VPS13C: variants seen among roughly 807,000 people sequenced by gnomAD.
VPS13C encodes intermembrane lipid transfer protein VPS13C.
In VPS13C, 358 loss-of-function variants were observed where a neutral mutation model predicts 456.8. That is an observed-to-expected ratio of 0.78 (90% CI 0.72 to 0.86). The LOEUF (loss-of-function observed/expected upper bound fraction) is 0.86, where lower values mean the gene tolerates loss of function less well. Among genes scored for constraint, VPS13C ranks in the 40% least tolerant of loss-of-function variants. VPS13C has a pLI of 0.00. For synonymous variants in VPS13C, 1,578 were observed against 1,486.7 expected (o/e 1.06, Z -1.41); for missense variants, 4,818 against 4,385.4 (o/e 1.10, Z -2.79).
chr15:61,902,278 CG>C (rs143258925), intron 66 of VPS13C, among the ~76,000 whole-genome samples: 58,481 of 148,112 alleles, frequency 0.39, 11,759 homozygotes, highest in Non-Finnish European at 0.43. Flanking sequence ...AGAAAAAAAA[CG>C]TAAAAAAAAA....
At position 61,964,776 on chromosome 15, in the gene VPS13C, T is replaced by G. The variant is rs1243360413; in HGVS notation, c.3137A>C (p.Asp1046Ala). 2 of 1,612,790 alleles carry G rather than the reference T, an allele frequency of 1.2e-6. No individual in the cohort carries two copies. The highest frequency in any genetic ancestry group is 2.2e-5 in the South Asian group (2 of 90,906). Residue 1046 changes from aspartate (D) to alanine (A), a missense_variant, in exon 31 of 85, where the codon GAT (aspartate) becomes GCT (alanine). Physicochemically the swap from Asp to Ala is moderately radical, Grantham distance 126. Around this residue, in one of 3 missense-constraint regions of VPS13C, gnomAD observed 4,552 missense variants for 4,130.6 expected, o/e 1.10. Transcript: ENST00000644861. ...CTTAGCAACACTTATGCTTTGATCA[T>G]CAGATGGAATAATGGTTGTGAGGTA... ...INYLTTIIPS[D>A]DQSISVAKEV...
In VPS13C at chr15:62,029,633, T is replaced by C. The variant is rs547373846; in HGVS notation, c.386-1213A>G. ...ACTCAACACTTTCTCTTGCTTATTA[T>C]TATGCAAATTTCTTATTTGTCCAAT... is the stretch of plus-strand genomic sequence containing the variant. On this transcript the variant is annotated intron_variant, in intron 5 of 84. Coordinates refer to ENST00000644861, the MANE Select transcript of VPS13C (RefSeq NM_020821.3). 8.5e-5 allele frequency among the ~76,000 whole-genome samples: 13 copies of C among 152,264 alleles called. No individual in the cohort carries two copies. The South Asian group carries it at 2.7e-3, about 32-fold the overall frequency.
chr15:62,027,161 AGATAT>A (rs1389520194), intron 6 of VPS13C, among the ~76,000 whole-genome samples: 2 of 152,078 alleles, frequency 1.3e-5, no homozygotes, highest in Non-Finnish European at 2.9e-5. Context: ...AGCTGAATGA[AGATAT>A]CATCAACAAA....
chr15:61,907,399 CA>C lies in VPS13C; in HGVS notation c.8979-10del. The stretch of plus-strand genomic sequence containing the variant: ...TTTCTTCTGGTGACCCACTAAAACA[CA>C]ATGAACAGAGAGAAAATCAGAATAT... On this transcript the variant is annotated splice_polypyrimidine_tract_variant and intron_variant, in intron 65 of 84. Transcript: ENST00000644861. 6.2e-7 allele frequency: 1 copy of C among 1,612,574 alleles called. No individual in the cohort carries two copies. The highest frequency in any genetic ancestry group is 8.5e-7 in the Non-Finnish European group (1 of 1,179,258).
Position 62,032,132 on chromosome 15 carries a change from A to C in VPS13C, c.385+1309T>G, listed in dbSNP as rs143568902. On this transcript the variant is annotated intron_variant, in intron 5 of 84. Coordinates refer to ENST00000644861, the MANE Select transcript of VPS13C (RefSeq NM_020821.3). ...TCAATATACCTAATGATGAATATACATATGTTAATATCCTAATCTGAATAG... is the reference window on the plus strand; with the variant it reads ...TCAATATACCTAATGATGAATATACCTATGTTAATATCCTAATCTGAATAG... 9.7e-4 allele frequency among the ~76,000 whole-genome samples: 148 copies of C among 151,974 alleles called. 1 individual carries two copies. The highest frequency in any genetic ancestry group is 3.5e-3 in the African/African-American group (145 of 41,554).
At chr15:62,015,960 CAAAAA>C (rs67786303) in intron 9 of VPS13C, among the ~76,000 whole-genome samples, 1,089 of 72,414 alleles carry the variant, frequency 0.015, 28 homozygotes, top group African/African-American at 0.05. Flanking sequence ...AAAAGAAGTC[CAAAAA>C]AAAAAAAAAA....
chr15:61,956,041 C>T lies in VPS13C; in HGVS notation c.4166-1487G>A, dbSNP rs74434137. ...ACATGCCCTCACCTATTCATCACTG[C>T]ACTATTCACAATAGCAAAGACATGG... On this transcript the variant is annotated intron_variant, in intron 37 of 84. Coordinates refer to ENST00000644861, the MANE Select transcript of VPS13C (RefSeq NM_020821.3). Among the ~76,000 whole-genome samples, 979 of 152,214 alleles carry T rather than the reference C, an allele frequency of 6.4e-3. 1 individual carries two copies. Among genetic ancestry groups the T allele is most frequent in the Non-Finnish European group, 0.01 (696 of 68,004 alleles).
At chr15:62,032,593 T>C (rs575942011) in intron 5 of VPS13C, among the ~76,000 whole-genome samples, 1 of 151,952 alleles carries the variant, frequency 6.6e-6, no homozygotes, top group South Asian at 2.1e-4. Flanking sequence ...TCTAATTGAT[T>C]CAATTAAATG....
At chr15:61,994,340 G>T (rs1327372175) in intron 16 of VPS13C, among the ~76,000 whole-genome samples, 1 of 152,172 alleles carries the variant, frequency 6.6e-6, no homozygotes, top group Non-Finnish European at 1.5e-5. Flanking sequence ...GATTGAAATT[G>T]TTATCCTCCG....
At chr15:62,007,064 A>G (rs918674059) in intron 15 of VPS13C, among the ~76,000 whole-genome samples, 6 of 152,156 alleles carry the variant, frequency 3.9e-5, no homozygotes, top group African/African-American at 1.4e-4. Flanking sequence ...TATAAAAACC[A>G]GTCACCTTTC....
chr15:61,949,338 C>A (rs2044708424), intron 42 of VPS13C, 105 bp downstream of exon 42: 3 of 1,303,322 alleles, frequency 2.3e-6, no homozygotes, highest in South Asian at 2.7e-5. Flanking sequence ...CCTATCAGAG[C>A]AGCAATGTCA....
At chr15:62,012,609 T>C (rs1171361426) in intron 11 of VPS13C, among the ~76,000 whole-genome samples, 1 of 151,906 alleles carries the variant, frequency 6.6e-6, no homozygotes, top group Non-Finnish European at 1.5e-5. Flanking sequence ...TTTAGCACAT[T>C]GAAGTTTTGA....
At chr15:61,931,543 GTCAATTCA>G (rs1567018572) in intron 49 of VPS13C, among the ~76,000 whole-genome samples, 1 of 150,222 alleles carries the variant, frequency 6.7e-6, no homozygotes, top group East Asian at 1.9e-4. Context: ...GGAAAGAGCT[GTCAATTCA>G]TCAATTAATC....
chr15:61,929,131 T>C (rs2043968212), intron 51 of VPS13C, among the ~76,000 whole-genome samples: 1 of 152,146 alleles, frequency 6.6e-6, no homozygotes, highest in South Asian at 2.1e-4. Context: ...AGTCCCCGTG[T>C]TCTGCTTTAA....
At chr15:62,059,235 A>G (rs915183353) in intron 1 of VPS13C, among the ~76,000 whole-genome samples, 3 of 152,226 alleles carry the variant, frequency 2.0e-5, no homozygotes, top group Non-Finnish European at 4.4e-5. Context: ...GCAAGTCTCA[A>G]TTAGCACTAA....
chr15:61,936,511 G>T, intron 48 of VPS13C, 86 bp downstream of exon 48: 1 of 1,348,548 alleles, frequency 7.4e-7, no homozygotes, highest in Non-Finnish European at 9.8e-7. Context: ...ATACCACATT[G>T]TGCTGGACAG....
Position 61,978,619 on chromosome 15 carries a change from G to A in VPS13C, c.2290+7C>T, listed in dbSNP as rs778782384. 10 of 1,609,712 alleles carry A rather than the reference G, an allele frequency of 6.2e-6. No individual in the cohort carries two copies. Among genetic ancestry groups the A allele is most frequent in the Admixed American group, 1.7e-5 (1 of 59,572 alleles). On this transcript the variant is annotated splice_region_variant and intron_variant, in intron 23 of 84. Transcript: ENST00000644861. ...CCCAAGATCCTAAAAGCTGAATAAC[G>A]GTTTACCTGCTCTTGCAAAAAGTAG...
At chr15:61,941,630 A>G (rs765942638) in intron 46 of VPS13C, 133 bp downstream of exon 46, 35 of 950,360 alleles carry the variant, frequency 3.7e-5, no homozygotes, top group Non-Finnish European at 4.7e-5. Flanking sequence ...CAAGAAGCCA[A>G]TGGTCAAGGT....
rs534040384 is a variant in VPS13C at position 61,881,958 on chromosome 15, G to T, written c.9625-130C>A. On this transcript the variant is annotated intron_variant, in intron 69 of 84. Coordinates refer to ENST00000644861, the MANE Select transcript of VPS13C (RefSeq NM_020821.3). ...TCTGCGTGTATATGCGGTGTAATTA[G>T]AAGTTTCATTTTAAATCTGTAAAAG... 1.2e-5 allele frequency: 10 copies of T among 809,892 alleles called. 1 individual carries two copies. In the South Asian group the frequency reaches 2.1e-4, roughly 17 times the overall value. 50.2% of individuals were successfully genotyped at this position (809,892 alleles called of 1,614,324 possible).
Sources: gnomAD v4.1 joint callset for allele counts (sites outside exome capture counted in the v4.1 genomes callset) on GRCh38, gnomAD v4.1.1 for gene constraint, gnomAD v4.1.1 regional missense constraint, MANE v1.5 for transcripts, NCBI Gene and HGNC (gene_info 2026-07-23, HGNC 2026-07-21) for gene names.